The following SOX10 variants were observed in gnomAD, a reference collection of about 807,000 sequenced individuals.
The protein encoded by SOX10 is transcription factor SOX-10.
Under a neutral mutation model 35.0 loss-of-function variants are expected in SOX10, and 3 were observed. The observed-to-expected ratio is 0.09, with a 90% CI of 0.04 to 0.22. The LOEUF (loss-of-function observed/expected upper bound fraction) is 0.22. SOX10 is among the 10% of genes least tolerant of loss of function. The pLI, the probability that SOX10 is intolerant of heterozygous loss-of-function variation, is 1.00. For missense variants in SOX10, 436 were observed against 655.1 expected (o/e 0.67, Z 3.65); for synonymous variants, 285 against 291.0 (o/e 0.98, Z 0.21).
rs1305483895 is a variant in SOX10, at chr22:37,978,485, A to C, written c.429-350T>G. Among the ~76,000 whole-genome samples, 1 of 152,212 alleles carries C rather than the reference A, an allele frequency of 6.6e-6. No individual in the cohort carries two copies. The highest frequency in any genetic ancestry group is 1.5e-5 in the Non-Finnish European group (1 of 68,038). ...CAAGGAAAGGAAAAACTTTCTCATC[A>C]TCAAAGCTGTCTGCAAGTGGAATTG... On this transcript the variant is annotated intron_variant, in intron 2 of 3. Transcript: ENST00000396884. This position sits in a 1 kb window ranked among gnomAD's most constrained non-coding sequence, Gnocchi z 5.0.
intron 3 of SOX10, among the ~76,000 whole-genome samples, chr22:37,977,328 TC>T (rs911992989): frequency 3.3e-5 from 5 of 151,166 alleles, no homozygotes; most frequent in Admixed American, 6.6e-5. Context: ...TTTTTTTTTT[TC>T]TTTCTCTTTG....
At position 37,976,256 on chromosome 22, in the gene SOX10, T is replaced by TTA. The variant is rs147912179; in HGVS notation, c.697+1609_697+1610dup. Among the ~76,000 whole-genome samples, 1,017 of 152,254 alleles carry TTA rather than the reference T, an allele frequency of 6.7e-3. 12 individuals carry two copies. Among genetic ancestry groups the TTA allele is most frequent in the African/African-American group, 0.023 (957 of 41,556 alleles). On this transcript the variant is annotated intron_variant, in intron 3 of 3. Transcript: ENST00000396884. ...ACAAAAACAAAAAAAAGACAGAGTC[T>TTA]TACTACATTGCCCATGCTGGTCTCA...
Position 37,978,782 on chromosome 22 carries a change from CTT to C in SOX10, c.429-649_429-648del, listed in dbSNP as rs1218261959. ...GAGGAAGAGGTGCTTTTCTTTCTTT[CTT>C]TTTTTTTTCTGTGAGGGAATCTCAC... On this transcript the variant is annotated intron_variant, in intron 2 of 3. Transcript: ENST00000396884. This position sits in a 1 kb window ranked among gnomAD's most constrained non-coding sequence, Gnocchi z 5.0. Among the ~76,000 whole-genome samples, 1 of 149,546 alleles carries C rather than the reference CTT, an allele frequency of 6.7e-6. No homozygotes were observed.
At chr22:37,976,717 C>T (rs1240408253) in intron 3 of SOX10, among the ~76,000 whole-genome samples, 2 of 152,178 alleles carry the variant, frequency 1.3e-5, no homozygotes. Flanking sequence ...AGTTTGGGTA[C>T]CTCATCACAT....
intron 3 of SOX10, among the ~76,000 whole-genome samples, chr22:37,976,138 G>A (rs1410564794): frequency 4.6e-5 from 7 of 152,112 alleles, no homozygotes; most frequent in African/African-American, 9.7e-5. Flanking sequence ...CACAAGAATC[G>A]CTTAAACCCA....
At position 37,972,841 on chromosome 22, in the gene SOX10, G is replaced by A. The variant is rs1428585118; in HGVS notation, c.*654C>T. 6.5e-6 allele frequency: 1 copy of A among 153,702 alleles called. No homozygotes were observed. Among genetic ancestry groups the A allele is most frequent in the African/African-American group, 2.4e-5 (1 of 41,428 alleles). The allele number at this position is 153,702 out of a possible 1,614,324, so 9.5% of individuals were successfully genotyped here. A position where few individuals can be genotyped will look rare whatever the true frequency, so the allele number is the denominator to read the frequency against. ...GACTGGGGGCTGTTTCTCAGACAAA[G>A]AATGAGGTTATTGGCACAGAATTGG... is the stretch of plus-strand genomic sequence containing the variant. On this transcript the variant is annotated 3_prime_UTR_variant, in exon 4 of 4. Transcript: ENST00000396884.
Position 37,973,754 on chromosome 22 carries a change from G to A in SOX10, c.1142C>T (p.Thr381Ile). 6.3e-7 allele frequency: 1 copy of A among 1,599,330 alleles called. No individual in the cohort carries two copies. The highest frequency in any genetic ancestry group is 8.5e-7 in the Non-Finnish European group (1 of 1,170,532). ...GCCATAGTGGGGCAGGCTGAGGGAG[G>A]TGTAGGCGATCTGTGAGGTGGATGG... Reference protein sequence around the residue: ...DQPSTSQIAYTSLSLPHYGSA... With the variant: ...DQPSTSQIAYISLSLPHYGSA... Residue 381 changes from threonine to isoleucine, a missense_variant, in exon 4 of 4, where the codon ACC (threonine) becomes ATC (isoleucine). Thr to Ile is a moderately conservative substitution (Grantham distance 89). Transcript: ENST00000396884.
chr22:37,976,920 G>C (rs1932237588), intron 3 of SOX10, among the ~76,000 whole-genome samples: 1 of 152,084 alleles, frequency 6.6e-6, no homozygotes, highest in Non-Finnish European at 1.5e-5. Context: ...TGGCTGGTGG[G>C]ATTTGGGAGG....
rs2145758692 is a variant in SOX10, at chr22:37,972,432, A to AT, written c.*1062dup. Reference sequence around the variant, plus strand: ...GGAGACAGTAATGAGTTACATGTGGATTTGGGGGGCTGCAGAACAGGAAAA... The same window carrying AT: ...GGAGACAGTAATGAGTTACATGTGGATTTTGGGGGGCTGCAGAACAGGAAAA... On this transcript the variant is annotated 3_prime_UTR_variant, in exon 4 of 4. Coordinates refer to ENST00000396884, the MANE Select transcript of SOX10 (RefSeq NM_006941.4). 5.6e-6 allele frequency: 2 copies of AT among 357,686 alleles called. No individual in the cohort carries two copies. The highest frequency in any genetic ancestry group is 7.9e-5 in the East Asian group (1 of 12,640). 22.2% of individuals were successfully genotyped at this position (357,686 alleles called of 1,614,324 possible).
Position 37,973,984 on chromosome 22 carries a change from A to G in SOX10, c.912T>C (p.Asn304=), listed in dbSNP as rs780495956. 7.4e-6 allele frequency: 12 copies of G among 1,612,738 alleles called. No individual in the cohort carries two copies. In the East Asian group the frequency reaches 2.2e-4, roughly 30 times the overall value. The stretch of plus-strand genomic sequence containing the variant: ...AGCTGCTCACATGGCCTGGGTGCCC[A>G]TTGGGCGGCAGGTACTGGTCCAACT... ...VAELDQYLPP[N]GHPGHVSSYS... Residue 304 remains asparagine (N), a synonymous_variant, in exon 4 of 4, where the codon AAT becomes AAC. Transcript: ENST00000396884.
chr22:37,983,903 C>T lies in SOX10; in HGVS notation c.-84-35G>A. 2 of 862,506 alleles carry T rather than the reference C, an allele frequency of 2.3e-6. No homozygotes were observed. Among genetic ancestry groups the T allele is most frequent in the South Asian group, 2.5e-5 (1 of 40,708 alleles). 53.4% of individuals were successfully genotyped at this position (862,506 alleles called of 1,614,324 possible). ...AGGAGGGCGCGATGGAGCGGCCGCG[C>T]GCGCAGCCCCGAGGGCGGCCCGAGA... On this transcript the variant is annotated intron_variant, in intron 1 of 3. Transcript: ENST00000396884. The surrounding 1 kb of genome is among the most constrained non-coding windows in gnomAD (Gnocchi z 9.5).
chr22:37,975,265 C>A (rs975104085), intron 3 of SOX10, among the ~76,000 whole-genome samples: 1 of 152,208 alleles, frequency 6.6e-6, no homozygotes, highest in African/African-American at 2.4e-5. Context: ...ATCCATAGAT[C>A]CACATGCACC....
rs2145762326 is a variant in SOX10, at chr22:37,974,322, T to G, written c.698-124A>C. 2 of 721,450 alleles carry G rather than the reference T, an allele frequency of 2.8e-6. No individual in the cohort carries two copies. The highest frequency in any genetic ancestry group is 5.1e-5 in the East Asian group (2 of 39,570). The allele number at this position is 721,450 out of a possible 1,614,324, so 44.7% of individuals were successfully genotyped here. Reference sequence around the variant, plus strand: ...GTGCCTCTGGGAAAACCTTGTAAGTTTCACATTTTGGCAGCATGAGTCGGG... The same window carrying G: ...GTGCCTCTGGGAAAACCTTGTAAGTGTCACATTTTGGCAGCATGAGTCGGG... On this transcript the variant is annotated intron_variant, in intron 3 of 3. Transcript: ENST00000396884. The surrounding 1 kb of genome is among the most constrained non-coding windows in gnomAD (Gnocchi z 5.4).
chr22:37,977,180 A>AAAG (rs1932245772), intron 3 of SOX10, among the ~76,000 whole-genome samples: 1 of 151,118 alleles, frequency 6.6e-6, no homozygotes, highest in Non-Finnish European at 1.5e-5. Flanking sequence ...GAAAAAAAAA[A>AAAG]AAAAGAATGG....
chr22:37,974,316 G>A lies in SOX10; in HGVS notation c.698-118C>T. The A allele has an allele frequency of 1.4e-6, 1 of 731,466 alleles. No homozygotes were observed. Among genetic ancestry groups the A allele is most frequent in the Non-Finnish European group, 2.3e-6 (1 of 442,494 alleles). 45.3% of individuals were successfully genotyped at this position (731,466 alleles called of 1,614,324 possible). A position where few individuals can be genotyped will look rare whatever the true frequency, so the allele number is the denominator to read the frequency against. On this transcript the variant is annotated intron_variant, in intron 3 of 3. Coordinates refer to ENST00000396884, the MANE Select transcript of SOX10 (RefSeq NM_006941.4). The surrounding 1 kb of genome is among the most constrained non-coding windows in gnomAD (Gnocchi z 5.4). ...CAGCGGGTGCCTCTGGGAAAACCTTGTAAGTTTCACATTTTGGCAGCATGA... is the reference window on the plus strand; with the variant it reads ...CAGCGGGTGCCTCTGGGAAAACCTTATAAGTTTCACATTTTGGCAGCATGA...
chr22:37,977,816 G>T, intron 3 of SOX10, 51 bp downstream of exon 3: 1 of 1,568,694 alleles, frequency 6.4e-7, no homozygotes. Context: ...GCCATCTCCT[G>T]TCTCCACTGA....
chr22:37,981,927 T>G (rs1437288251), intron 2 of SOX10, among the ~76,000 whole-genome samples: 22 of 152,130 alleles, frequency 1.4e-4, no homozygotes, highest in Admixed American at 1.4e-3. Context: ...AGCAAACACA[T>G]GGCAAGAACA....
chr22:37,976,570 C>T (rs1197093175), intron 3 of SOX10, among the ~76,000 whole-genome samples: 1 of 152,188 alleles, frequency 6.6e-6, no homozygotes, highest in Non-Finnish European at 1.5e-5. Flanking sequence ...GTGTGTGTCA[C>T]TTTCTGTACA....
At chr22:37,977,561 C>T (rs1932259271) in intron 3 of SOX10, among the ~76,000 whole-genome samples, 1 of 152,102 alleles carries the variant, frequency 6.6e-6, no homozygotes, top group South Asian at 2.1e-4. Flanking sequence ...ACCTCGTGAT[C>T]TGCCCTCCTC....
Sources: gnomAD v4.1 joint callset for allele counts (sites outside exome capture counted in the v4.1 genomes callset) on GRCh38, gnomAD v4.1.1 for gene constraint, Gnocchi (gnomAD v3.1) non-coding constraint, MANE v1.5 for transcripts, NCBI Gene and HGNC (gene_info 2026-07-23, HGNC 2026-07-21) for gene names.